LIPE: variants seen among roughly 807,000 people sequenced by gnomAD.
The protein encoded by LIPE is hormone-sensitive lipase.
Under a neutral mutation model 88.5 loss-of-function variants are expected in LIPE, and 66 were observed. The ratio of observed to expected loss-of-function variants is 0.75; its 90% CI spans 0.61 to 0.91. The LOEUF (loss-of-function observed/expected upper bound fraction) is 0.91, where lower values mean the gene tolerates loss of function less well. Ranked by LOEUF, LIPE falls within the 40% of genes least tolerant of loss-of-function variation. The pLI is 0.00. For missense variants in LIPE, 1,346 were observed against 1,434.7 expected (o/e 0.94, Z 1.00); for synonymous variants, 570 against 617.5 (o/e 0.92, Z 1.14).
At chr19:42,405,722 T>C (rs2040149127) in intron 7 of LIPE, 161 bp from the exon 8 acceptor site, 6 of 684,188 alleles carry the variant, frequency 8.8e-6, no homozygotes, top group Non-Finnish European at 1.4e-5. Context: ...GTAGTCCCAG[T>C]ACTTTGGGAG....
chr19:42,423,798 C>A, intron 1 of LIPE: 3 of 1,105,010 alleles, frequency 2.7e-6, no homozygotes, highest in Non-Finnish European at 2.2e-6. Context: ...CCGGGGGTGG[C>A]GAAAAGCGTC....
At chr19:42,403,284 T>A in intron 8 of LIPE, among the ~76,000 whole-genome samples, 1 of 136,856 alleles carries the variant, frequency 7.3e-6, no homozygotes, top group African/African-American at 2.9e-5. Flanking sequence ...TGTGTGTGTG[T>A]GTGTGTGTGA....
rs2040230558 is a variant in LIPE at position 42,407,635 on chromosome 19, G to A, written c.1813C>T (p.Leu605Phe). 1 of 1,611,438 alleles carries A rather than the reference G, an allele frequency of 6.2e-7. No homozygotes were observed. Among genetic ancestry groups the A allele is most frequent in the Non-Finnish European group, 8.5e-7 (1 of 1,178,594 alleles). Residue 605 changes from leucine to phenylalanine, a missense_variant, in exon 5 of 10, where the codon CTC (leucine) becomes TTC (phenylalanine). Physicochemically the swap from Leu to Phe is conservative, Grantham distance 22. Transcript: ENST00000244289. This position sits in a 1 kb window ranked among gnomAD's most constrained non-coding sequence, Gnocchi z 5.8. ...HTGPGPVLVR[L>F]ISYDLREGQD... ...CCTTCACGCAGGTCATAGGAGATGA[G>A]CCTGACGAGGACGGGCCCAGGGCCT...
At position 42,414,225 on chromosome 19, in the gene LIPE, G is replaced by A. The variant is rs1252021896; in HGVS notation, c.884-3383C>T. ...GGAGGCAGAGGTTGCAGTGAGCTGA[G>A]ATCACGCCACTGTACTCCAGCCTGG... On this transcript the variant is annotated intron_variant, in intron 1 of 9. Coordinates refer to ENST00000244289, the MANE Select transcript of LIPE (RefSeq NM_005357.4). This position sits in a 1 kb window ranked among gnomAD's most constrained non-coding sequence, Gnocchi z 4.6. Among the ~76,000 whole-genome samples the A allele has an allele frequency of 1.3e-5, 2 of 151,944 alleles. No individual in the cohort carries two copies. The highest frequency in any genetic ancestry group is 2.1e-4 in the South Asian group (1 of 4,822).
At position 42,416,265 on chromosome 19, in the gene LIPE, A is replaced by C. The variant is rs186543819; in HGVS notation, c.884-5423T>G. Among the ~76,000 whole-genome samples the C allele has an allele frequency of 3.6e-3, 544 of 152,136 alleles. 5 individuals are homozygous for C. Among genetic ancestry groups the C allele is most frequent in the African/African-American group, 0.012 (516 of 41,508 alleles). On this transcript the variant is annotated intron_variant, in intron 1 of 9. Coordinates refer to ENST00000244289, the MANE Select transcript of LIPE (RefSeq NM_005357.4). The stretch of plus-strand genomic sequence containing the variant: ...AGGCTGAGGCAGGAGAATCACTTGA[A>C]CCTGGGAGGCGGTGGTTGCAGTGAG...
Position 42,405,380 on chromosome 19 carries a change from C to T in LIPE, c.2542+5G>A, listed in dbSNP as rs2040136111. ...CTGGGCATGTGACGGGAGTGAATCACTCACCTGCTATGGGCTCCGACATCT... is the reference window on the plus strand; with the variant it reads ...CTGGGCATGTGACGGGAGTGAATCATTCACCTGCTATGGGCTCCGACATCT... On this transcript the variant is annotated splice_donor_5th_base_variant and intron_variant, in intron 8 of 9. Coordinates refer to ENST00000244289, the MANE Select transcript of LIPE (RefSeq NM_005357.4). 1 of 1,612,180 alleles carries T rather than the reference C, an allele frequency of 6.2e-7. No individual in the cohort carries two copies. The highest frequency in any genetic ancestry group is 2.2e-5 in the East Asian group (1 of 44,858).
At position 42,407,306 on chromosome 19, in the gene LIPE, T is replaced by G. The variant is rs1403274602; in HGVS notation, c.2005A>C (p.Ser669Arg). The G allele has an allele frequency of 6.2e-7, 1 of 1,611,236 alleles. No individual in the cohort carries two copies. The highest frequency in any genetic ancestry group is 8.5e-7 in the Non-Finnish European group (1 of 1,179,008). The change falls in exon 6 of 10, where the codon AGC becomes CGC. Residue 669 changes from serine to arginine, a missense_variant. Coordinates refer to ENST00000244289, the MANE Select transcript of LIPE (RefSeq NM_005357.4). The surrounding 1 kb of genome is among the most constrained non-coding windows in gnomAD (Gnocchi z 5.8). ...TSRSHEPYLK[S>R]WAQELGAPII... The stretch of plus-strand genomic sequence containing the variant: ...GGGGCGCCCAGCTCCTGGGCCCAGC[T>G]CTTGAGGTAGGGCTCGTGGGATCTG...
chr19:42,419,992 G>C (rs1048139908), intron 1 of LIPE, among the ~76,000 whole-genome samples: 1 of 151,662 alleles, frequency 6.6e-6, no homozygotes, highest in Admixed American at 6.6e-5. Flanking sequence ...GTCTCCCAAA[G>C]TGCTGGGATT....
intron 8 of LIPE, among the ~76,000 whole-genome samples, chr19:42,403,704 C>T (rs1383290747): frequency 6.6e-6 from 1 of 152,028 alleles, no homozygotes; most frequent in African/African-American, 2.4e-5. Context: ...CCGCTCGCCT[C>T]GGCCTCCCAT....
intron 7 of LIPE, among the ~76,000 whole-genome samples, 173 bp downstream of exon 7, chr19:42,405,988 A>T (rs1032676900): frequency 2.9e-4 from 42 of 146,576 alleles, no homozygotes; most frequent in African/African-American, 6.8e-4. Flanking sequence ...ACACACACAC[A>T]CACACACACA....
intron 1 of LIPE, among the ~76,000 whole-genome samples, chr19:42,411,961 G>C (rs963810057): frequency 6.6e-6 from 1 of 152,224 alleles, no homozygotes; most frequent in Non-Finnish European, 1.5e-5. Flanking sequence ...CTGAGGCTCA[G>C]GTTTTAAGTG....
At chr19:42,424,831 TC>T (rs34404301) in intron 1 of LIPE, 6,077 of 354,788 alleles carry the variant, frequency 0.017, 310 homozygotes, top group African/African-American at 0.12. Flanking sequence ...AGAAGGAAGA[TC>T]GGAGCTTCCT....
intron 1 of LIPE, chr19:42,412,235 C>G (rs1019262802): frequency 2.3e-5 from 23 of 980,946 alleles, no homozygotes; most frequent in Middle Eastern, 1.0e-3. Context: ...ATGCTACCAT[C>G]TGCTCCAGTG....
At position 42,403,240 on chromosome 19, in the gene LIPE, GATGTGT is replaced by G. The variant is rs2040050375; in HGVS notation, c.2543-215_2543-210del. Among the ~76,000 whole-genome samples the G allele has an allele frequency of 4.4e-5, 5 of 114,102 alleles. No homozygotes were observed. In the Admixed American group the frequency reaches 4.6e-4, roughly 10 times the overall value. 74.9% of individuals were successfully genotyped at this position (114,102 alleles called of 152,430 possible). A position where few individuals can be genotyped will look rare whatever the true frequency, so the allele number is the denominator to read the frequency against. ...AGTGGGGCAGTGTGTTCTAGTGAAGGATGTGTGTGTGTGTGTGTGTGTGTGTGTGTG... is the reference window on the plus strand; with the variant it reads ...AGTGGGGCAGTGTGTTCTAGTGAAGGGTGTGTGTGTGTGTGTGTGTGTGTG... On this transcript the variant is annotated intron_variant, in intron 8 of 9. Coordinates refer to ENST00000244289, the MANE Select transcript of LIPE (RefSeq NM_005357.4).
rs542854738 is a variant in LIPE, at chr19:42,408,343, G to A, written c.1420-21C>T. The A allele has an allele frequency of 1.5e-5, 24 of 1,596,690 alleles. No homozygotes were observed. The highest frequency in any genetic ancestry group is 1.7e-4 in the Middle Eastern group (1 of 6,006). On this transcript the variant is annotated intron_variant, in intron 2 of 9. Coordinates refer to ENST00000244289, the MANE Select transcript of LIPE (RefSeq NM_005357.4). The surrounding 1 kb of genome is among the most constrained non-coding windows in gnomAD (Gnocchi z 4.3). ...GTGAACTGTGGAGAGACGCGGCTGC[G>A]TCACCCACCGCTCAAGAGAGGGATG...
rs1186451891 is a variant in LIPE, at chr19:42,406,354, G to A, written c.2172C>T (p.Asp724=). ...TGAAGCAGAGGTTCCCGCCTGCACT[G>A]TCCCCCGCAAGGCAGATTCGTTCCC... ...STGERICLAG[D]SAGGNLCFTV... is the part of the protein sequence containing the mutation. Residue 724 remains aspartate (D), a synonymous_variant, in exon 7 of 10, where the codon GAC becomes GAT. Transcript: ENST00000244289. The surrounding 1 kb of genome is among the most constrained non-coding windows in gnomAD (Gnocchi z 5.7). 1.9e-6 allele frequency: 3 copies of A among 1,614,090 alleles called. No homozygotes were observed. The highest frequency in any genetic ancestry group is 1.1e-5 in the South Asian group (1 of 91,082).
rs1031957076 is a variant in LIPE at position 42,426,213 on chromosome 19, A to G, written c.883+54T>C. On this transcript the variant is annotated intron_variant, in intron 1 of 9. Transcript: ENST00000244289. ...CACCGTAAGTTTTTAGTATTTTTTA[A>G]GTAAATGAATGACTGTCCCTGAGAG... is the stretch of plus-strand genomic sequence containing the variant. 2.6e-6 allele frequency: 4 copies of G among 1,525,778 alleles called. No individual in the cohort carries two copies. The African/African-American group carries it at 4.2e-5, about 16-fold the overall frequency. 94.5% of individuals were successfully genotyped at this position (1,525,778 alleles called of 1,614,324 possible). A position where few individuals can be genotyped will look rare whatever the true frequency, so the allele number is the denominator to read the frequency against.
At position 42,419,051 on chromosome 19, in the gene LIPE, G is replaced by A. The variant is rs892806667; in HGVS notation, c.883+7216C>T. Among the ~76,000 whole-genome samples the A allele has an allele frequency of 7.2e-5, 11 of 152,288 alleles. No homozygotes were observed. The East Asian group carries it at 1.2e-3, about 16-fold the overall frequency. On this transcript the variant is annotated intron_variant, in intron 1 of 9. Transcript: ENST00000244289. ...CCCACCACTTTGGGAGGCTGAGGCC[G>A]GTGGATCACCTGAGATCGGGAGTTC...
At chr19:42,422,301 G>A (rs1292863252) in intron 1 of LIPE, among the ~76,000 whole-genome samples, 4 of 152,140 alleles carry the variant, frequency 2.6e-5, no homozygotes, top group Non-Finnish European at 5.9e-5. Context: ...GGGAAAGAGG[G>A]AGTCTCCTGC....
Sources: allele counts gnomAD v4.1 joint callset (sites outside exome capture counted in the v4.1 genomes callset), GRCh38; gene constraint gnomAD v4.1.1; non-coding constraint Gnocchi (gnomAD v3.1); transcripts MANE v1.5; gene names NCBI Gene and HGNC (gene_info 2026-07-23, HGNC 2026-07-21).